CACNA1E: variants seen among roughly 807,000 people sequenced by gnomAD.
CACNA1E encodes the protein voltage-dependent R-type calcium channel subunit alpha-1E.
Under a neutral mutation model 259.2 loss-of-function variants are expected in CACNA1E, and 40 were observed. That is an observed-to-expected ratio of 0.15 (90% CI 0.12 to 0.20). The LOEUF (loss-of-function observed/expected upper bound fraction) is 0.20. Among genes scored for constraint, CACNA1E ranks in the 10% least tolerant of loss-of-function variants. The pLI is 1.00. For synonymous variants in CACNA1E, 1,104 were observed against 1,138.5 expected (o/e 0.97, Z 0.61); for missense variants, 1,874 against 3,040.1 (o/e 0.62, Z 9.02).
At chr1:181,434,538 A>C (rs549593884) in intron 2 of CACNA1E, among the ~76,000 whole-genome samples, 15 of 152,294 alleles carry the variant, frequency 9.8e-5, no homozygotes, top group Admixed American at 2.0e-4. Context: ...AATCACATAC[A>C]ACAAGATGAT....
intron 2 of CACNA1E, among the ~76,000 whole-genome samples, chr1:181,461,582 A>T (rs1319948367): frequency 6.7e-6 from 1 of 148,360 alleles, no homozygotes; most frequent in African/African-American, 2.5e-5. Flanking sequence ...AATCCATTTT[A>T]TAGATGATAG....
intron 1 of CACNA1E, among the ~76,000 whole-genome samples, chr1:181,342,332 CA>C (rs1306124708): frequency 6.6e-6 from 1 of 152,018 alleles, no homozygotes; most frequent in East Asian, 1.9e-4. Context: ...GAATTTTAAG[CA>C]GAGGAGTGAC....
At chr1:181,726,003 C>G in intron 17 of CACNA1E, 62 bp from the exon 18 acceptor site, 1 of 1,162,920 alleles carries the variant, frequency 8.6e-7, no homozygotes, top group Non-Finnish European at 1.3e-6. Context: ...AGGAGAGCAG[C>G]CAAGGGAAGC....
At chr1:181,620,696 A>T (rs1655644157) in intron 6 of CACNA1E, among the ~76,000 whole-genome samples, 1 of 152,224 alleles carries the variant, frequency 6.6e-6, no homozygotes, top group South Asian at 2.1e-4. Flanking sequence ...TGAAAATTCA[A>T]ATAGTAATGC....
chr1:181,570,127 A>G (rs7515165), intron 3 of CACNA1E, among the ~76,000 whole-genome samples: 57,059 of 151,742 alleles, frequency 0.38, 13,274 homozygotes, highest in East Asian at 0.67. Flanking sequence ...TTCCTCTGTA[A>G]CACCTAATTA....
chr1:181,718,219 G>A, intron 12 of CACNA1E, 52 bp downstream of exon 12: 1 of 892,988 alleles, frequency 1.1e-6, no homozygotes, highest in Non-Finnish European at 1.8e-6. Flanking sequence ...ATATGCCCTG[G>A]TTTTAGATAA....
At chr1:181,373,170 G>A (rs184453837) in intron 1 of CACNA1E, among the ~76,000 whole-genome samples, 1 of 152,186 alleles carries the variant, frequency 6.6e-6, no homozygotes, top group Non-Finnish European at 1.5e-5. Flanking sequence ...TTAGGGAGGA[G>A]TTTCTTCTCA....
intron 1 of CACNA1E, among the ~76,000 whole-genome samples, chr1:181,363,058 CT>C (rs1654007224): frequency 6.6e-6 from 1 of 152,196 alleles, no homozygotes; most frequent in African/African-American, 2.4e-5. Context: ...ATAGTTCCCC[CT>C]GGGGGACCAT....
intron 1 of CACNA1E, among the ~76,000 whole-genome samples, chr1:181,505,104 C>T (rs1665592391): frequency 6.6e-6 from 1 of 152,188 alleles, no homozygotes. Context: ...TGCATTTAAT[C>T]CTCTCCGAAG....
intron 7 of CACNA1E, among the ~76,000 whole-genome samples, chr1:181,688,157 C>A (rs961965226): frequency 6.6e-6 from 1 of 152,148 alleles, no homozygotes; most frequent in Non-Finnish European, 1.5e-5. Flanking sequence ...GCCAGGGAAA[C>A]CCAATTGCCT....
At chr1:181,448,046 C>G (rs1198710892) in intron 2 of CACNA1E, among the ~76,000 whole-genome samples, 1 of 152,174 alleles carries the variant, frequency 6.6e-6, no homozygotes, top group African/African-American at 2.4e-5. Flanking sequence ...CATGATAAAT[C>G]TCTTCATTTT....
At position 181,733,655 on chromosome 1, in the gene CACNA1E, T is replaced by A; in HGVS notation, c.3167T>A (p.Ile1056Asn). The change falls in exon 21 of 48, where the codon ATC becomes AAC. Residue 1056 changes from isoleucine (I) to asparagine (N), a missense_variant. By Grantham distance (149) the Ile-to-Asn change is moderately radical. Around this residue, in one of 14 missense-constraint regions of CACNA1E, gnomAD observed 476 missense variants for 514.0 expected, o/e 0.93. Transcript: ENST00000367573. ...CAGAGCGAGCCTGACCTCTCCTGCA[T>A]CACGGCCAACACGGACAAGGCCACC... ...ISQSEPDLSC[I>N]TANTDKATTE... 1 of 1,611,240 alleles carries A rather than the reference T, an allele frequency of 6.2e-7. No individual in the cohort carries two copies. Among genetic ancestry groups the A allele is most frequent in the Non-Finnish European group, 8.5e-7 (1 of 1,179,016 alleles).
At chr1:181,737,053 T>C (rs143619316) in intron 22 of CACNA1E, among the ~76,000 whole-genome samples, 1 of 152,214 alleles carries the variant, frequency 6.6e-6, no homozygotes, top group Non-Finnish European at 1.5e-5. Flanking sequence ...ATGCAGAATA[T>C]AGAATACAGT....
chr1:181,428,478 C>A (rs1483617752), intron 2 of CACNA1E, among the ~76,000 whole-genome samples: 2 of 152,094 alleles, frequency 1.3e-5, no homozygotes, highest in African/African-American at 4.8e-5. Flanking sequence ...GGGGCGCTTG[C>A]AAGAGGCTTG....
chr1:181,750,587 A>G lies in CACNA1E; in HGVS notation c.3731+100A>G, dbSNP rs914252155. On this transcript the variant is annotated intron_variant, in intron 26 of 47. Transcript: ENST00000367573. ...GGGGAGGGGCTCACGCACTGAGAAA[A>G]GAGTGGTCAGTTTTTATTTATATCC... 5 of 1,091,242 alleles carry G rather than the reference A, an allele frequency of 4.6e-6. No individual in the cohort carries two copies. In the African/African-American group the frequency reaches 6.2e-5, roughly 14 times the overall value. The allele number at this position is 1,091,242 out of a possible 1,614,324, so 67.6% of individuals were successfully genotyped here. A position where few individuals can be genotyped will look rare whatever the true frequency, so the allele number is the denominator to read the frequency against.
At chr1:181,731,025 TG>T in intron 18 of CACNA1E, 149 bp from the exon 19 acceptor site, 1 of 657,688 alleles carries the variant, frequency 1.5e-6, no homozygotes. Flanking sequence ...GAATCGAATG[TG>T]GGGAGTCTAC....
At chr1:181,436,727 G>C (rs1295143809) in intron 2 of CACNA1E, among the ~76,000 whole-genome samples, 1 of 148,662 alleles carries the variant, frequency 6.7e-6, no homozygotes, top group Admixed American at 6.7e-5. Flanking sequence ...TGAGAAAGGG[G>C]TGAGGTTGTT....
intron 2 of CACNA1E, among the ~76,000 whole-genome samples, chr1:181,417,343 A>AT (rs1658348260): frequency 6.6e-6 from 1 of 152,202 alleles, no homozygotes; most frequent in Non-Finnish European, 1.5e-5. Context: ...AACTTCTAAG[A>AT]TAGAATGAAT....
intron 2 of CACNA1E, among the ~76,000 whole-genome samples, chr1:181,477,474 T>C (rs1296969524): frequency 1.3e-5 from 2 of 152,244 alleles, no homozygotes; most frequent in Non-Finnish European, 2.9e-5. Context: ...TCAAAGGGGA[T>C]TAATGAGTAT....
Sources: allele counts gnomAD v4.1 joint callset (sites outside exome capture counted in the v4.1 genomes callset), GRCh38; gene constraint gnomAD v4.1.1; regional missense constraint gnomAD v4.1.1; transcripts MANE v1.5; gene names NCBI Gene and HGNC (gene_info 2026-07-23, HGNC 2026-07-21).